PTGES3: variants seen among roughly 807,000 people sequenced by gnomAD.
PTGES3 encodes Hsp90 co-chaperone.
Under a neutral mutation model 29.9 loss-of-function variants are expected in PTGES3, and 5 were observed. The observed-to-expected ratio is 0.17, with a 90% CI of 0.09 to 0.35. The LOEUF (loss-of-function observed/expected upper bound fraction) is 0.35, where lower values mean the gene tolerates loss of function less well. PTGES3 is among the 10% of genes least tolerant of loss of function. The pLI, the probability that PTGES3 is intolerant of heterozygous loss-of-function variation, is 1.00. For missense variants in PTGES3, 128 were observed against 190.0 expected (o/e 0.67, Z 1.92); for synonymous variants, 49 against 57.8 (o/e 0.85, Z 0.69).
At chr12:56,671,104 A>G (rs1248854709) in intron 4 of PTGES3, among the ~76,000 whole-genome samples, 2 of 144,968 alleles carry the variant, frequency 1.4e-5, no homozygotes, top group Non-Finnish European at 3.0e-5. Context: ...GAGACTACCT[A>G]AAAAAAAAGA....
chr12:56,683,957 C>CA (rs11386164), intron 1 of PTGES3, among the ~76,000 whole-genome samples: 60,508 of 108,844 alleles, frequency 0.56, 15,463 homozygotes, highest in South Asian at 0.62. Context: ...AACTCCGTCT[C>CA]AAAAAAAAAA....
chr12:56,682,765 T>TC (rs1459748684), intron 1 of PTGES3, among the ~76,000 whole-genome samples: 2 of 138,206 alleles, frequency 1.4e-5, no homozygotes, highest in East Asian at 2.2e-4. Context: ...ACACCTGTAA[T>TC]CCTAGCACTT....
At chr12:56,683,571 A>C (rs1285037080) in intron 1 of PTGES3, among the ~76,000 whole-genome samples, 1 of 151,518 alleles carries the variant, frequency 6.6e-6, no homozygotes, top group South Asian at 2.1e-4. Context: ...AACTACTTCA[A>C]CCCAGAAGGC....
chr12:56,683,059 T>C (rs1304663448), intron 1 of PTGES3, among the ~76,000 whole-genome samples: 1 of 151,854 alleles, frequency 6.6e-6, no homozygotes, highest in Non-Finnish European at 1.5e-5. Flanking sequence ...TTCTAGAATC[T>C]ATCATTGCCG....
At chr12:56,685,701 G>A (rs957397445) in intron 1 of PTGES3, among the ~76,000 whole-genome samples, 1 of 148,558 alleles carries the variant, frequency 6.7e-6, no homozygotes, top group Non-Finnish European at 1.5e-5. Flanking sequence ...CGCCCGGCAT[G>A]AAAGTAGCAT....
intron 1 of PTGES3, among the ~76,000 whole-genome samples, chr12:56,675,798 C>T (rs573119687): frequency 6.6e-6 from 1 of 152,042 alleles, no homozygotes; most frequent in Non-Finnish European, 1.5e-5. Flanking sequence ...TGATGGGCAC[C>T]TGTAATCCCA....
rs554316198 is a variant in PTGES3 at position 56,663,447 on chromosome 12, C to T, written c.*1032G>A. ...GCATCTACAATATGCTATTACAGAT[C>T]CACTTTTAAAAGGTTTCCTGTGACA... On this transcript the variant is annotated 3_prime_UTR_variant, in exon 8 of 8. Coordinates refer to ENST00000262033, the MANE Select transcript of PTGES3 (RefSeq NM_006601.7). 1.9e-4 allele frequency: 29 copies of T among 152,324 alleles called. No individual in the cohort carries two copies. The highest frequency in any genetic ancestry group is 6.5e-4 in the African/African-American group (27 of 41,572). 9.4% of individuals were successfully genotyped at this position (152,324 alleles called of 1,614,324 possible). A position where few individuals can be genotyped will look rare whatever the true frequency, so the allele number is the denominator to read the frequency against.
intron 1 of PTGES3, among the ~76,000 whole-genome samples, chr12:56,677,293 TG>T: frequency 6.6e-6 from 1 of 152,050 alleles, no homozygotes; most frequent in Admixed American, 6.6e-5. Flanking sequence ...AACATTACCT[TG>T]AACAGCTTTC....
At chr12:56,682,084 T>C (rs1257082479) in intron 1 of PTGES3, among the ~76,000 whole-genome samples, 2 of 151,936 alleles carry the variant, frequency 1.3e-5, no homozygotes, top group Admixed American at 1.3e-4. Flanking sequence ...TGACCACAAG[T>C]GACCTGCCCG....
At chr12:56,673,484 G>GAAAAAAAAAAA (rs758207497) in intron 1 of PTGES3, among the ~76,000 whole-genome samples, 1 of 36,824 alleles carries the variant, frequency 2.7e-5, no homozygotes. Context: ...ATACAAATAC[G>GAAAAAAAAAAA]GAAAAAAAAA....
intron 5 of PTGES3, 131 bp from the exon 6 acceptor site, chr12:56,666,397 C>A (rs906683939): frequency 6.0e-5 from 67 of 1,122,742 alleles, no homozygotes; most frequent in Non-Finnish European, 7.3e-5. Context: ...ATATAAGCAT[C>A]TTTCCCTTCT....
chr12:56,676,133 G>T (rs934620794), intron 1 of PTGES3, among the ~76,000 whole-genome samples: 2 of 141,012 alleles, frequency 1.4e-5, no homozygotes, highest in African/African-American at 5.7e-5. Context: ...GGCTGGGAGG[G>T]GGAGGGGGAG....
chr12:56,680,390 T>C (rs1162411347), intron 1 of PTGES3, among the ~76,000 whole-genome samples: 1 of 151,714 alleles, frequency 6.6e-6, no homozygotes, highest in African/African-American at 2.4e-5. Context: ...TTCTTTCTTT[T>C]TTTTTTTTTG....
intron 1 of PTGES3, among the ~76,000 whole-genome samples, chr12:56,676,078 T>G (rs1231187949): frequency 2.1e-5 from 3 of 146,164 alleles, no homozygotes; most frequent in Admixed American, 6.9e-5. Context: ...AATACAAAAT[T>G]AGCCAGGCGA....
intron 4 of PTGES3, chr12:56,670,766 T>C: frequency 5.8e-6 from 1 of 173,772 alleles, no homozygotes. Flanking sequence ...TTTTTTGAAC[T>C]GTGACTTTGT....
At chr12:56,678,726 T>C (rs776300547) in intron 1 of PTGES3, among the ~76,000 whole-genome samples, 2 of 152,180 alleles carry the variant, frequency 1.3e-5, no homozygotes, top group Admixed American at 6.6e-5. Context: ...AAGAGACCTT[T>C]TAGATAGGAC....
rs1402710130 is a variant in PTGES3 at position 56,688,079 on chromosome 12, C to G, written c.-80G>C. 4.2e-6 allele frequency: 6 copies of G among 1,443,780 alleles called. No homozygotes were observed. In the Admixed American group the frequency reaches 1.1e-4, roughly 26 times the overall value. The allele number at this position is 1,443,780 out of a possible 1,614,324, so 89.4% of individuals were successfully genotyped here. A position where few individuals can be genotyped will look rare whatever the true frequency, so the allele number is the denominator to read the frequency against. ...CTGCTGCTAGGGAGTCGACTTCTCT[C>G]CGGTGGCGACTCCGCTTTTTCTCTC... On this transcript the variant is annotated 5_prime_UTR_variant, in exon 1 of 8. Coordinates refer to ENST00000262033, the MANE Select transcript of PTGES3 (RefSeq NM_006601.7).
chr12:56,669,132 C>T (rs934350178), intron 5 of PTGES3, among the ~76,000 whole-genome samples: 1 of 150,036 alleles, frequency 6.7e-6, no homozygotes, highest in Admixed American at 6.8e-5. Flanking sequence ...GCCTTAGCCT[C>T]CGGAGTAGCT....
At position 56,673,106 on chromosome 12, in the gene PTGES3, TTAAC is replaced by T. The variant is rs1156870927; in HGVS notation, c.3-45_3-42del. On this transcript the variant is annotated intron_variant, in intron 1 of 7. Coordinates refer to ENST00000262033, the MANE Select transcript of PTGES3 (RefSeq NM_006601.7). ...GTAGGGAAAGTCAAGCTGGAATTCA[TTAAC>T]TAAACATTCACATACTAACCTTCGA... 5 of 1,366,524 alleles carry T rather than the reference TTAAC, an allele frequency of 3.7e-6. No homozygotes were observed. The African/African-American group carries it at 5.8e-5, about 16-fold the overall frequency. 84.6% of individuals were successfully genotyped at this position (1,366,524 alleles called of 1,614,324 possible).
Sources: allele counts gnomAD v4.1 joint callset (sites outside exome capture counted in the v4.1 genomes callset), GRCh38; gene constraint gnomAD v4.1.1; transcripts MANE v1.5; gene names NCBI Gene and HGNC (gene_info 2026-07-23, HGNC 2026-07-21).